The following NME7 variants were observed in gnomAD, a reference collection of about 807,000 sequenced individuals.
NME7 encodes the protein nucleoside diphosphate kinase 7.
In NME7, 41 loss-of-function variants were observed where a neutral mutation model predicts 49.1. That is an observed-to-expected ratio of 0.83 (90% CI 0.65 to 1.08). NME7 has a LOEUF of 1.08. Ranked by LOEUF, NME7 falls within the 50% of genes least tolerant of loss-of-function variation. NME7 has a pLI of 0.00. For missense variants in NME7, 423 were observed against 463.4 expected (o/e 0.91, Z 0.80); for synonymous variants, 139 against 150.6 (o/e 0.92, Z 0.56).
intron 10 of NME7, among the ~76,000 whole-genome samples, chr1:169,178,820 C>CTTTTTTTTTT (rs57619644): frequency 3.2e-5 from 4 of 124,332 alleles, no homozygotes; most frequent in Non-Finnish European, 4.9e-5. Context: ...GAAACCTCTT[C>CTTTTTTTTTT]TTTTTTTTTT....
chr1:169,158,367 A>G (rs775794370), intron 11 of NME7, among the ~76,000 whole-genome samples: 3 of 152,210 alleles, frequency 2.0e-5, no homozygotes, highest in Non-Finnish European at 4.4e-5. Flanking sequence ...ATACAATTTA[A>G]AACTTTTTAT....
rs144677908 is a variant in NME7, at chr1:169,324,436, C to T, written c.68G>A (p.Arg23His). ...CCCTGGGTAAAATAAAAGCTCATAA[C>T]GTCGAAGAAGTGAAGCATTTGGATC... Reference protein sequence around the residue: ...WYDPNASLLRRYELLFYPGDG... With the variant: ...WYDPNASLLRHYELLFYPGDG... Residue 23 changes from arginine (R) to histidine (H), a missense_variant, in exon 2 of 12, where the codon CGT (arginine) becomes CAT (histidine). Physicochemically the swap from Arg to His is conservative, Grantham distance 29. Transcript: ENST00000367811. The T allele has an allele frequency of 2.4e-5, 39 of 1,613,352 alleles. No individual in the cohort carries two copies. In the African/African-American group the frequency reaches 4.8e-4, roughly 20 times the overall value.
In NME7 at chr1:169,323,677, C is replaced by A. The variant is rs531021698; in HGVS notation, c.112-394G>T. ...TAAAATTGTGTTGCCAGTGAAAGAA[C>A]ACAAAGAAACAGAAGTCTCTTAGCT... On this transcript the variant is annotated intron_variant, in intron 2 of 11. Coordinates refer to ENST00000367811, the MANE Select transcript of NME7 (RefSeq NM_013330.5). 6.6e-5 allele frequency among the ~76,000 whole-genome samples: 10 copies of A among 152,172 alleles called. No individual in the cohort carries two copies. The South Asian group carries it at 1.2e-3, about 19-fold the overall frequency.
intron 1 of NME7, among the ~76,000 whole-genome samples, chr1:169,331,715 C>A (rs1172779237): frequency 6.6e-6 from 1 of 151,224 alleles, no homozygotes; most frequent in African/African-American, 2.4e-5. Flanking sequence ...ATCCCATTTA[C>A]AATAGCCACA....
intron 11 of NME7, among the ~76,000 whole-genome samples, chr1:169,139,702 G>C (rs946006808): frequency 6.6e-6 from 1 of 152,156 alleles, no homozygotes; most frequent in African/African-American, 2.4e-5. Flanking sequence ...GGCCCATCCT[G>C]CTGTATGTCA....
intron 10 of NME7, among the ~76,000 whole-genome samples, chr1:169,192,145 A>G (rs1162713316): frequency 6.6e-6 from 1 of 152,216 alleles, no homozygotes; most frequent in Non-Finnish European, 1.5e-5. Flanking sequence ...CATAAAAGAT[A>G]AACTATACAA....
At chr1:169,334,866 T>C (rs1002534927) in intron 1 of NME7, among the ~76,000 whole-genome samples, 2 of 151,778 alleles carry the variant, frequency 1.3e-5, no homozygotes, top group African/African-American at 4.8e-5. Context: ...AACATATTTA[T>C]AAGAAAAAAA....
chr1:169,298,918 G>T (rs1650822686), intron 5 of NME7, among the ~76,000 whole-genome samples, 155 bp from the exon 6 acceptor site: 1 of 152,150 alleles, frequency 6.6e-6, no homozygotes, highest in South Asian at 2.1e-4. Context: ...ATGGGCAGGA[G>T]AAATTTTTCA....
intron 7 of NME7, among the ~76,000 whole-genome samples, chr1:169,267,672 G>A (rs1414347170): frequency 7.5e-6 from 1 of 133,134 alleles, no homozygotes; most frequent in African/African-American, 2.5e-5. Flanking sequence ...AATGGGGAAA[G>A]GACTCCCTAT....
In NME7 at chr1:169,213,830, A is replaced by AATATAT. The variant is rs113770115; in HGVS notation, c.990+16882_990+16887dup. On this transcript the variant is annotated intron_variant, in intron 10 of 11. Coordinates refer to ENST00000367811, the MANE Select transcript of NME7 (RefSeq NM_013330.5). ...AATATAAAAATAAAATAAATAAATA[A>AATATAT]ATATATATATATATACACACAAACA... Among the ~76,000 whole-genome samples the AATATAT allele has an allele frequency of 1.5e-4, 22 of 149,176 alleles. 1 individual carries two copies. Among genetic ancestry groups the AATATAT allele is most frequent in the Non-Finnish European group, 1.5e-4 (10 of 67,222 alleles).
chr1:169,287,368 G>T lies in NME7; in HGVS notation c.689C>A (p.Pro230Gln). 1 of 1,605,604 alleles carries T rather than the reference G, an allele frequency of 6.2e-7. No homozygotes were observed. Among genetic ancestry groups the T allele is most frequent in the South Asian group, 1.1e-5 (1 of 88,612 alleles). ...LFFPSSGGCG[P>Q]ANTAKFTNCT... is the part of the protein sequence containing the mutation. ...ATTAGTAAATTTAGCAGTGTTTGCC[G>T]GCCCACAACCTCCACTTGAAGGAAA... is the stretch of plus-strand genomic sequence containing the variant. Residue 230 changes from proline to glutamine, a missense_variant, in exon 7 of 12, where the codon CCG becomes CAG. Physicochemically the swap from Pro to Gln is moderately conservative, Grantham distance 76. Transcript: ENST00000367811.
intron 1 of NME7, among the ~76,000 whole-genome samples, chr1:169,337,607 G>A (rs1253172883): frequency 6.6e-6 from 1 of 152,194 alleles, no homozygotes; most frequent in African/African-American, 2.4e-5. Flanking sequence ...GAGCGACTGA[G>A]GACTGTGAGG....
chr1:169,254,108 C>T (rs1380165503), intron 7 of NME7, among the ~76,000 whole-genome samples: 1 of 149,514 alleles, frequency 6.7e-6, no homozygotes, highest in Non-Finnish European at 1.5e-5. Flanking sequence ...CCCTCTTTTT[C>T]TATTGATTGG....
intron 7 of NME7, among the ~76,000 whole-genome samples, chr1:169,251,895 AT>A: frequency 6.6e-6 from 1 of 151,272 alleles, no homozygotes; most frequent in South Asian, 2.1e-4. Flanking sequence ...TGAACTCATC[AT>A]TTTTTATGGC....
rs140856257 is a variant in NME7, at chr1:169,348,969, T to C, written c.3+18739A>G. On this transcript the variant is annotated intron_variant, in intron 1 of 11. Coordinates refer to ENST00000367811, the MANE Select transcript of NME7 (RefSeq NM_013330.5). ...AAAGAACATGAGGTTCTAGGCTAAA[T>C]AGGTTCAAATTTGGGCCCTACCGCT... 8.3e-3 allele frequency among the ~76,000 whole-genome samples: 1,259 copies of C among 151,860 alleles called. 14 individuals carry two copies. Among genetic ancestry groups the C allele is most frequent in the African/African-American group, 0.029 (1,186 of 41,438 alleles).
intron 7 of NME7, among the ~76,000 whole-genome samples, chr1:169,238,107 T>C (rs942201672): frequency 1.3e-5 from 2 of 151,902 alleles, no homozygotes; most frequent in Non-Finnish European, 2.9e-5. Flanking sequence ...ACTGAAGAGA[T>C]AGGAAGAAGC....
At chr1:169,218,202 C>T (rs1040948858) in intron 10 of NME7, among the ~76,000 whole-genome samples, 14 of 152,148 alleles carry the variant, frequency 9.2e-5, no homozygotes, top group Admixed American at 5.2e-4. Context: ...TAGTTTCTTA[C>T]CGTAGTACAA....
chr1:169,254,717 C>T (rs2101852817), intron 7 of NME7, among the ~76,000 whole-genome samples: 1 of 145,004 alleles, frequency 6.9e-6, no homozygotes, highest in African/African-American at 2.5e-5. Context: ...ATAAATTTCC[C>T]TCTACACACT....
chr1:169,220,933 G>A (rs1254444356), intron 10 of NME7, among the ~76,000 whole-genome samples: 4 of 152,056 alleles, frequency 2.6e-5, no homozygotes, highest in South Asian at 2.1e-4. Flanking sequence ...TTCTCTAAGC[G>A]TTGTTATGTA....
Sources: allele counts gnomAD v4.1 joint callset (sites outside exome capture counted in the v4.1 genomes callset), GRCh38; gene constraint gnomAD v4.1.1; transcripts MANE v1.5; gene names NCBI Gene and HGNC (gene_info 2026-07-23, HGNC 2026-07-21).